PRKN: variants seen among roughly 807,000 people sequenced by gnomAD.
PRKN encodes E3 ubiquitin-protein ligase parkin.
In PRKN, 56 loss-of-function variants were observed where a neutral mutation model predicts 59.5. The ratio of observed to expected loss-of-function variants is 0.94; its 90% CI spans 0.76 to 1.18. PRKN has a LOEUF of 1.18. Ranked by LOEUF, PRKN falls within the 50% of genes most tolerant of loss-of-function variation. The pLI, the probability that PRKN is intolerant of heterozygous loss-of-function variation, is 0.00. For synonymous variants in PRKN, 250 were observed against 222.1 expected (o/e 1.13, Z -1.12); for missense variants, 657 against 596.4 (o/e 1.10, Z -1.06).
chr6:161,897,740 G>C (rs975027549), intron 6 of PRKN, among the ~76,000 whole-genome samples: 1 of 151,034 alleles, frequency 6.6e-6, no homozygotes, highest in African/African-American at 2.4e-5. Flanking sequence ...CCAGCACTTT[G>C]GGAGGCTGAG....
At chr6:162,322,708 T>C (rs991049587) in intron 2 of PRKN, among the ~76,000 whole-genome samples, 3 of 152,218 alleles carry the variant, frequency 2.0e-5, no homozygotes, top group East Asian at 3.9e-4. Context: ...CAAATGGTTC[T>C]AGAACAATTG....
chr6:162,250,424 A>G (rs12175475), intron 3 of PRKN, among the ~76,000 whole-genome samples: 1 of 151,844 alleles, frequency 6.6e-6, no homozygotes, highest in South Asian at 2.1e-4. Context: ...TATCTCTCTC[A>G]CACACACACA....
intron 2 of PRKN, among the ~76,000 whole-genome samples, chr6:162,363,562 GCTA>G (rs200777602): frequency 1.1e-4 from 17 of 152,158 alleles, no homozygotes; most frequent in African/African-American, 2.4e-4. Flanking sequence ...TCATTTCTAT[GCTA>G]CTTTTTCCAA....
intron 1 of PRKN, among the ~76,000 whole-genome samples, chr6:162,521,259 C>A (rs1025944501): frequency 6.6e-6 from 1 of 152,112 alleles, no homozygotes; most frequent in Non-Finnish European, 1.5e-5. Context: ...AAACTATAAG[C>A]AAGCACATGA....
chr6:161,867,752 T>TATTTATTC (rs1554236183), intron 6 of PRKN, among the ~76,000 whole-genome samples: 1 of 143,698 alleles, frequency 7.0e-6, no homozygotes, highest in African/African-American at 2.8e-5. Flanking sequence ...TTTATTTATT[T>TATTTATTC]ATTTATTTAT....
chr6:162,016,222 C>T (rs1782930193), intron 5 of PRKN, among the ~76,000 whole-genome samples: 1 of 152,230 alleles, frequency 6.6e-6, no homozygotes, highest in East Asian at 1.9e-4. Context: ...CTGTAAGCCA[C>T]ATTAATTATA....
intron 5 of PRKN, among the ~76,000 whole-genome samples, chr6:162,044,091 T>C (rs1421641132): frequency 2.6e-5 from 4 of 152,222 alleles, no homozygotes; most frequent in South Asian, 2.1e-4. Flanking sequence ...TTGCCAGGGA[T>C]TCAAGGAAGG....
intron 3 of PRKN, among the ~76,000 whole-genome samples, chr6:162,216,459 A>G (rs924073978): frequency 1.1e-4 from 15 of 140,994 alleles, no homozygotes; most frequent in South Asian, 9.6e-4. Context: ...GAACCCGGGA[A>G]GCGGAGCTTG....
chr6:161,641,041 C>T (rs1783718992), intron 7 of PRKN, among the ~76,000 whole-genome samples: 1 of 152,168 alleles, frequency 6.6e-6, no homozygotes, highest in African/African-American at 2.4e-5. Context: ...AAACCAACTC[C>T]ATCTTCCTTC....
At chr6:162,257,361 T>G (rs969662435) in intron 3 of PRKN, among the ~76,000 whole-genome samples, 5 of 152,156 alleles carry the variant, frequency 3.3e-5, no homozygotes, top group African/African-American at 1.2e-4. Flanking sequence ...TGATATAGTT[T>G]TAAAATCTGA....
At chr6:161,630,328 C>T (rs1197703335) in intron 7 of PRKN, among the ~76,000 whole-genome samples, 1 of 152,126 alleles carries the variant, frequency 6.6e-6, no homozygotes, top group East Asian at 1.9e-4. Context: ...CTCTGAGGCT[C>T]AGCTTCCCTG....
intron 1 of PRKN, chr6:162,727,405 G>A (rs1024891022): frequency 4.3e-6 from 2 of 464,334 alleles, no homozygotes; most frequent in African/African-American, 2.1e-5. Context: ...GCCGCCTGGC[G>A]TCCCCGTCGA....
At chr6:161,600,566 C>T (rs547541541) in intron 7 of PRKN, among the ~76,000 whole-genome samples, 1 of 152,236 alleles carries the variant, frequency 6.6e-6, no homozygotes, top group East Asian at 1.9e-4. Flanking sequence ...AGTTAATATA[C>T]TCCGTATACA....
intron 7 of PRKN, among the ~76,000 whole-genome samples, chr6:161,750,102 T>TAC (rs1562654158): frequency 6.4e-5 from 6 of 93,754 alleles, no homozygotes; most frequent in African/African-American, 2.6e-4. Context: ...ATAGGACATA[T>TAC]ATATATATAT....
chr6:162,409,911 C>T (rs147771730), intron 2 of PRKN, among the ~76,000 whole-genome samples: 55 of 152,282 alleles, frequency 3.6e-4, no homozygotes, highest in African/African-American at 1.0e-3. Context: ...TTTCTTTTCA[C>T]GGGATATGTG....
chr6:162,203,044 G>A (rs755330629), intron 3 of PRKN, among the ~76,000 whole-genome samples: 2 of 152,110 alleles, frequency 1.3e-5, no homozygotes, highest in African/African-American at 4.8e-5. Flanking sequence ...CTGCAAATAC[G>A]CTAGCATTGT....
chr6:161,415,717 C>G (rs1405723745), intron 9 of PRKN, among the ~76,000 whole-genome samples: 2 of 151,226 alleles, frequency 1.3e-5, no homozygotes, highest in South Asian at 2.1e-4. Context: ...TCCTGAGCTT[C>G]GTCCCAGACA....
intron 6 of PRKN, among the ~76,000 whole-genome samples, chr6:161,856,866 A>C (rs1235083414): frequency 6.6e-6 from 1 of 152,166 alleles, no homozygotes; most frequent in Admixed American, 6.5e-5. Context: ...AAATACTGAA[A>C]AATATTTCTT....
At chr6:161,612,168 C>G (rs1265622727) in intron 7 of PRKN, among the ~76,000 whole-genome samples, 4 of 152,186 alleles carry the variant, frequency 2.6e-5, no homozygotes, top group Admixed American at 2.6e-4. Context: ...GGTGAAGCAG[C>G]AAGTGCTGAT....
Sources: allele counts gnomAD v4.1 joint callset (sites outside exome capture counted in the v4.1 genomes callset), GRCh38; gene constraint gnomAD v4.1.1; transcripts MANE v1.5; gene names NCBI Gene and HGNC (gene_info 2026-07-23, HGNC 2026-07-21).